Variants in FBXW4 observed in about 807,000 individuals in gnomAD.
FBXW4 encodes F-box/WD repeat-containing protein 4.
A neutral mutation model predicts 61.8 loss-of-function variants in FBXW4; 40 were observed. That is an observed-to-expected ratio of 0.65 (90% CI 0.50 to 0.84). The LOEUF (loss-of-function observed/expected upper bound fraction) is 0.84, where lower values mean the gene tolerates loss of function less well. Among genes scored for constraint, FBXW4 ranks in the 40% least tolerant of loss-of-function variants. The pLI, the probability that FBXW4 is intolerant of heterozygous loss-of-function variation, is 0.00. For synonymous variants in FBXW4, 311 were observed against 313.8 expected, an observed-to-expected ratio of 0.99 and a Z score of 0.10; for missense variants, 672 against 753.8, an observed-to-expected ratio of 0.89 and a Z score of 1.27.
chr10:101,672,673 C>T (rs915073614), intron 4 of FBXW4, among the ~76,000 whole-genome samples: 5 of 152,136 alleles, frequency 3.3e-5, no homozygotes, highest in Non-Finnish European at 7.3e-5. Flanking sequence ...GAGTTCACGC[C>T]ACATTGCAAG....
chr10:101,638,738 T>G (rs1183508406), intron 5 of FBXW4, among the ~76,000 whole-genome samples: 1 of 152,224 alleles, frequency 6.6e-6, no homozygotes, highest in Non-Finnish European at 1.5e-5. Context: ...GTGATTCTGA[T>G]TATTGCACAA....
intron 4 of FBXW4, among the ~76,000 whole-genome samples, chr10:101,669,742 GA>G (rs2064340023): frequency 6.9e-6 from 1 of 144,216 alleles, no homozygotes; most frequent in African/African-American, 2.6e-5. Flanking sequence ...CCCTGGAAAA[GA>G]TTCAGTGGGA....
chr10:101,617,605 G>A (rs1274008105), intron 6 of FBXW4, among the ~76,000 whole-genome samples: 2 of 152,154 alleles, frequency 1.3e-5, no homozygotes, highest in Non-Finnish European at 2.9e-5. Flanking sequence ...ACCCACCCAC[G>A]CACATGTGTT....
intron 1 of FBXW4, among the ~76,000 whole-genome samples, chr10:101,678,800 A>G (rs957503808): frequency 6.6e-6 from 1 of 152,348 alleles, no homozygotes. Flanking sequence ...CCAGCAAGCA[A>G]GTCCAGCTTT....
At chr10:101,658,750 C>G (rs992747429) in intron 5 of FBXW4, among the ~76,000 whole-genome samples, 3 of 151,956 alleles carry the variant, frequency 2.0e-5, no homozygotes, top group African/African-American at 7.3e-5. Context: ...CTCATTATTG[C>G]CTTTTTTACT....
At chr10:101,622,261 G>C (rs377655126) in intron 6 of FBXW4, among the ~76,000 whole-genome samples, 5 of 152,028 alleles carry the variant, frequency 3.3e-5, no homozygotes, top group Admixed American at 3.3e-4. Flanking sequence ...GAGCATCTTC[G>C]CCAGTGCTGT....
intron 4 of FBXW4, among the ~76,000 whole-genome samples, chr10:101,669,759 CTT>C (rs66921816): frequency 6.9e-6 from 1 of 145,104 alleles, no homozygotes; most frequent in Non-Finnish European, 1.5e-5. Flanking sequence ...TGGGAGTGGA[CTT>C]TTTTTTTTTT....
At chr10:101,682,521 G>T (rs7084405) in intron 1 of FBXW4, among the ~76,000 whole-genome samples, 3,954 of 152,252 alleles carry the variant, frequency 0.026, 173 homozygotes, top group African/African-American at 0.087. Context: ...CTTGAATTAG[G>T]TCTAAAATTA....
chr10:101,657,683 TA>T (rs772198484), intron 5 of FBXW4, among the ~76,000 whole-genome samples: 82 of 145,972 alleles, frequency 5.6e-4, no homozygotes, highest in Non-Finnish European at 9.6e-4. Flanking sequence ...CTGAAACTTC[TA>T]AAGAGTCTTG....
intron 1 of FBXW4, among the ~76,000 whole-genome samples, chr10:101,686,994 GA>G (rs1194840092): frequency 2.0e-5 from 3 of 152,052 alleles, no homozygotes; most frequent in Admixed American, 6.6e-5. Context: ...GTCAAAGCTG[GA>G]ACTACAGGGA....
At chr10:101,673,761 A>G in intron 2 of FBXW4, 88 bp from the exon 3 acceptor site, 1 of 1,274,916 alleles carries the variant, frequency 7.8e-7, no homozygotes, top group Non-Finnish European at 1.1e-6. Context: ...ACCAATCCCC[A>G]ACTTAGTAAG....
chr10:101,671,323 A>C (rs929041216), intron 4 of FBXW4, among the ~76,000 whole-genome samples: 6 of 152,220 alleles, frequency 3.9e-5, no homozygotes, highest in Non-Finnish European at 8.8e-5. Context: ...CACTGACCTA[A>C]AAGAAATCCT....
chr10:101,651,213 G>A (rs996738159), intron 5 of FBXW4, among the ~76,000 whole-genome samples: 3 of 152,120 alleles, frequency 2.0e-5, no homozygotes, highest in African/African-American at 4.8e-5. Context: ...CTCTGTGAGC[G>A]GTGGGAAGGG....
intron 6 of FBXW4, among the ~76,000 whole-genome samples, chr10:101,615,266 G>C (rs546224947): frequency 4.6e-5 from 7 of 152,038 alleles, no homozygotes; most frequent in Non-Finnish European, 8.8e-5. Flanking sequence ...AGGCCAAGAC[G>C]GGAGCAAGGG....
chr10:101,659,451 C>T, intron 5 of FBXW4: 1 of 985,198 alleles, frequency 1.0e-6, no homozygotes, highest in Non-Finnish European at 1.2e-6. Flanking sequence ...GGTCCCAATG[C>T]TCCTCTCTTC....
chr10:101,642,220 T>C (rs374774495), intron 5 of FBXW4, among the ~76,000 whole-genome samples: 2 of 151,792 alleles, frequency 1.3e-5, no homozygotes, highest in African/African-American at 4.8e-5. Context: ...TTAGGATATA[T>C]GTCTATGAAT....
intron 5 of FBXW4, among the ~76,000 whole-genome samples, chr10:101,661,448 C>A (rs1385207118): frequency 6.6e-6 from 1 of 152,218 alleles, no homozygotes; most frequent in Non-Finnish European, 1.5e-5. Context: ...GGGCAATGAA[C>A]TCCAGGGTGG....
chr10:101,614,037 T>A (rs1350971964), intron 6 of FBXW4, among the ~76,000 whole-genome samples: 1 of 152,194 alleles, frequency 6.6e-6, no homozygotes, highest in African/African-American at 2.4e-5. Context: ...CCTTCCCAGA[T>A]GGGCCACCAG....
At chr10:101,617,567 C>T (rs2063835348) in intron 6 of FBXW4, among the ~76,000 whole-genome samples, 1 of 152,232 alleles carries the variant, frequency 6.6e-6, no homozygotes, top group South Asian at 2.1e-4. Context: ...CTCTCACATG[C>T]ATGTGTCTGT....
Sources: gnomAD v4.1 joint callset for allele counts (sites outside exome capture counted in the v4.1 genomes callset) on GRCh38, gnomAD v4.1.1 for gene constraint, MANE v1.5 for transcripts, NCBI Gene and HGNC (gene_info 2026-07-23, HGNC 2026-07-21) for gene names.